VWA8: variants seen among roughly 807,000 people sequenced by gnomAD.
VWA8 encodes the protein von Willebrand factor A domain-containing protein 8.
VWA8 carries 221 observed loss-of-function variants against 241.5 expected under a neutral mutation model. The ratio of observed to expected loss-of-function variants is 0.91; its 90% CI spans 0.82 to 1.02. The LOEUF (loss-of-function observed/expected upper bound fraction) is 1.02, where lower values mean the gene tolerates loss of function less well. Ranked by LOEUF, VWA8 falls within the 50% of genes least tolerant of loss-of-function variation. VWA8 has a pLI of 0.00. For synonymous variants in VWA8, 852 were observed against 827.1 expected, an observed-to-expected ratio of 1.03 and a Z score of -0.52; for missense variants, 2,322 against 2,328.7, an observed-to-expected ratio of 1.00 and a Z score of 0.06.
At position 41,954,185 on chromosome 13, in the gene VWA8, C is replaced by CT. The variant is rs765781173; in HGVS notation, c.164-4173dup. 7.8e-3 allele frequency among the ~76,000 whole-genome samples: 1,137 copies of CT among 145,122 alleles called. 7 individuals are homozygous for CT. Among genetic ancestry groups the CT allele is most frequent in the African/African-American group, 0.025 (985 of 39,776 alleles). On this transcript the variant is annotated intron_variant, in intron 1 of 44. Coordinates refer to ENST00000379310, the MANE Select transcript of VWA8 (RefSeq NM_015058.2). Reference sequence around the variant, plus strand: ...GTCCCAACTCTGACCTCTATACAACCTTTTTTTTTTTTTCAGTTAAGGGTA... The same window carrying CT: ...GTCCCAACTCTGACCTCTATACAACCTTTTTTTTTTTTTTCAGTTAAGGGTA...
At chr13:41,574,174 TAA>T (rs59813167) in intron 43 of VWA8, among the ~76,000 whole-genome samples, 36 of 137,200 alleles carry the variant, frequency 2.6e-4, no homozygotes, top group African/African-American at 3.5e-4. Flanking sequence ...AAGTTTTCTG[TAA>T]AAAAAAAAAA....
intron 9 of VWA8, among the ~76,000 whole-genome samples, chr13:41,881,725 G>T: frequency 6.8e-6 from 1 of 147,608 alleles, no homozygotes; most frequent in East Asian, 2.1e-4. Context: ...GGCCGGGCTG[G>T]GGGCTGACCC....
At chr13:41,627,082 A>C (rs186287268) in intron 37 of VWA8, among the ~76,000 whole-genome samples, 43 of 152,318 alleles carry the variant, frequency 2.8e-4, no homozygotes, top group African/African-American at 8.7e-4. Flanking sequence ...AGCAAAAAAA[A>C]CAAACAACCC....
At chr13:41,672,189 A>AT (rs1271663718) in intron 36 of VWA8, among the ~76,000 whole-genome samples, 8 of 152,178 alleles carry the variant, frequency 5.3e-5, no homozygotes, top group African/African-American at 1.9e-4. Context: ...TGTATGTGAT[A>AT]TTTTGCCTTT....
intron 37 of VWA8, among the ~76,000 whole-genome samples, chr13:41,639,362 A>G (rs925963578): frequency 6.6e-6 from 1 of 152,198 alleles, no homozygotes; most frequent in Non-Finnish European, 1.5e-5. Context: ...GCCATTCTGC[A>G]CATACCACCT....
chr13:41,925,806 C>T (rs1962295), intron 2 of VWA8: 19,710 of 266,058 alleles, frequency 0.074, 933 homozygotes, highest in African/African-American at 0.15. Context: ...GGAGAAGAGC[C>T]TGGACCCAAA....
chr13:41,625,612 G>C (rs2044684883), intron 37 of VWA8, among the ~76,000 whole-genome samples: 2 of 152,108 alleles, frequency 1.3e-5, no homozygotes, highest in African/African-American at 2.4e-5. Flanking sequence ...GGAGAAATAG[G>C]AACACTTTTA....
intron 21 of VWA8, among the ~76,000 whole-genome samples, chr13:41,747,319 T>C (rs2045615761): frequency 6.6e-6 from 1 of 152,232 alleles, no homozygotes; most frequent in Non-Finnish European, 1.5e-5. Flanking sequence ...TTCACATCCC[T>C]TGTAAGTTGG....
At chr13:41,671,745 C>T (rs530230476) in intron 36 of VWA8, among the ~76,000 whole-genome samples, 3 of 152,078 alleles carry the variant, frequency 2.0e-5, no homozygotes, top group Non-Finnish European at 4.4e-5. Flanking sequence ...CCCTTCCCCC[C>T]CATTCATGTT....
At chr13:41,659,309 T>C (rs543325438) in intron 37 of VWA8, among the ~76,000 whole-genome samples, 1 of 152,346 alleles carries the variant, frequency 6.6e-6, no homozygotes, top group African/African-American at 2.4e-5. Context: ...TCCCTGTGCA[T>C]TGGTGTCTTA....
chr13:41,608,598 A>G (rs1314968470), intron 39 of VWA8, among the ~76,000 whole-genome samples: 1 of 152,222 alleles, frequency 6.6e-6, no homozygotes, highest in Admixed American at 6.5e-5. Context: ...CTTAAATACT[A>G]TAATTTTGAA....
intron 28 of VWA8, 69 bp downstream of exon 28, chr13:41,701,323 G>T: frequency 6.8e-7 from 1 of 1,473,384 alleles, no homozygotes; most frequent in Non-Finnish European, 9.0e-7. Context: ...GATGTCTAGA[G>T]ATTATTTTAA....
intron 9 of VWA8, among the ~76,000 whole-genome samples, chr13:41,876,195 A>G (rs970765100): frequency 6.6e-6 from 1 of 152,078 alleles, no homozygotes; most frequent in Admixed American, 6.6e-5. Flanking sequence ...CATACCCTCC[A>G]CAGTCTATTC....
At chr13:41,602,373 C>A (rs76948295) in intron 40 of VWA8, among the ~76,000 whole-genome samples, 1,917 of 152,184 alleles carry the variant, frequency 0.013, 15 homozygotes, top group Non-Finnish European at 0.022. Flanking sequence ...GCCGCACCTG[C>A]CTCGCTAGCC....
chr13:41,578,277 T>C (rs1338567830), intron 42 of VWA8, among the ~76,000 whole-genome samples: 1 of 152,208 alleles, frequency 6.6e-6, no homozygotes, highest in Non-Finnish European at 1.5e-5. Flanking sequence ...AGTGACAGGA[T>C]GGAGCTTATA....
At position 41,819,406 on chromosome 13, in the gene VWA8, G is replaced by C; in HGVS notation, c.1701-20C>G. 6.3e-7 allele frequency: 1 copy of C among 1,580,920 alleles called. No individual in the cohort carries two copies. Among genetic ancestry groups the C allele is most frequent in the Non-Finnish European group, 8.5e-7 (1 of 1,171,156 alleles). ...ATGGATCTAAAATAGGAAAAAAAAT[G>C]AAAAAAAATAACATATCTTTCATGT... On this transcript the variant is annotated intron_variant, in intron 14 of 44. Transcript: ENST00000379310.
At chr13:41,716,487 T>C (rs1566426191) in intron 26 of VWA8, among the ~76,000 whole-genome samples, 1 of 152,072 alleles carries the variant, frequency 6.6e-6, no homozygotes, top group Non-Finnish European at 1.5e-5. Flanking sequence ...CTGATTTCAG[T>C]TGAGGAAGAA....
intron 4 of VWA8, among the ~76,000 whole-genome samples, chr13:41,901,913 T>C (rs1489992725): frequency 6.6e-4 from 42 of 63,980 alleles, no homozygotes; most frequent in African/African-American, 1.6e-3. Context: ...TATATATATA[T>C]ACACACACAT....
In VWA8 at chr13:41,777,102, C is replaced by T. The variant is rs76693407; in HGVS notation, c.2349+883G>A. 5.5e-4 allele frequency among the ~76,000 whole-genome samples: 84 copies of T among 152,190 alleles called. 1 individual carries two copies. The highest frequency in any genetic ancestry group is 1.8e-3 in the African/African-American group (74 of 41,530). On this transcript the variant is annotated intron_variant, in intron 20 of 44. Coordinates refer to ENST00000379310, the MANE Select transcript of VWA8 (RefSeq NM_015058.2). ...ACCCTGTAAACCTAAAATTTTCATA[C>T]GTTCCTCCATAAACATACATTGAGT...
Sources: gnomAD v4.1 joint callset for allele counts (sites outside exome capture counted in the v4.1 genomes callset) on GRCh38, gnomAD v4.1.1 for gene constraint, MANE v1.5 for transcripts, NCBI Gene and HGNC (gene_info 2026-07-23, HGNC 2026-07-21) for gene names.